ZFP92: variants seen among roughly 807,000 people sequenced by gnomAD.
ZFP92 encodes ZFP92 zinc finger protein, also known as zinc finger protein 92 homolog.
In ZFP92, 2 loss-of-function variants were observed where a neutral mutation model predicts 7.6. The observed-to-expected ratio is 0.26, with a 90% confidence interval of 0.11 to 0.83. The LOEUF is 0.83. ZFP92 is among the 40% of genes least tolerant of loss of function. The pLI is 0.65. For missense variants in ZFP92, 324 were observed against 408.3 expected, an observed-to-expected ratio of 0.79 and a Z score of 1.78; for synonymous variants, 226 against 183.6, an observed-to-expected ratio of 1.23 and a Z score of -1.87.
chrX:153,420,443 G>A, intron 5 of ZFP92, 111 bp downstream of exon 5: 1 of 895,569 alleles, frequency 1.1e-6, no homozygotes, highest in South Asian at 2.6e-5. Flanking sequence ...CTCTTTGGAG[G>A]CAGATGTCAA....
At position 153,423,018 on chromosome X, in the gene ZFP92, A is replaced by G. The variant is rs1556975699; in HGVS notation, c.*1390A>G. The G allele has an allele frequency of 9.0e-6, 1 of 111,604 alleles. No homozygotes were observed. The highest frequency in any genetic ancestry group is 1.9e-5 in the Non-Finnish European group (1 of 53,171). 9.2% of individuals were successfully genotyped at this position (111,604 alleles called of 1,213,427 possible). On this transcript the variant is annotated 3_prime_UTR_variant, in exon 6 of 6. Transcript: ENST00000338647. ...TGCAGAAACAGGGCAGACTCTTCAA[A>G]TGGCACTTTACTGAAAGCCAAGGGG...
At chrX:153,419,454 G>A (rs782002973) in intron 4 of ZFP92, among the ~76,000 whole-genome samples, 4 of 112,767 alleles carry the variant, frequency 3.5e-5, no homozygotes, top group Non-Finnish European at 5.6e-5. Context: ...GGTAAAGAAC[G>A]TCTGAGGGTG....
rs1556976077 is a variant in ZFP92, at chrX:153,424,559, T to C, written c.*2931T>C. Reference sequence around the variant, plus strand: ...CTTGCTTTGTGATGGACAGCTAGAATGTAAAAGCTTAAACTATGGGGAAAG... The same window carrying C: ...CTTGCTTTGTGATGGACAGCTAGAACGTAAAAGCTTAAACTATGGGGAAAG... On this transcript the variant is annotated 3_prime_UTR_variant, in exon 6 of 6. Transcript: ENST00000338647. 8.9e-6 allele frequency: 1 copy of C among 112,323 alleles called. No individual in the cohort carries two copies. Among genetic ancestry groups the C allele is most frequent in the East Asian group, 2.8e-4 (1 of 3,580 alleles). 9.3% of individuals were successfully genotyped at this position (112,323 alleles called of 1,213,427 possible).
intron 3 of ZFP92, 23 bp from the exon 4 acceptor site, chrX:153,418,650 G>A: frequency 8.6e-7 from 1 of 1,166,489 alleles, no homozygotes; most frequent in Non-Finnish European, 1.1e-6. Flanking sequence ...TTCCCCTGTG[G>A]CCACAAGAAT....
rs1556975924 is a variant in ZFP92, at chrX:153,423,831, G to A, written c.*2203G>A. The A allele has an allele frequency of 8.8e-6, 1 of 113,934 alleles. No homozygotes were observed. Among genetic ancestry groups the A allele is most frequent in the Admixed American group, 9.2e-5 (1 of 10,875 alleles). The allele number at this position is 113,934 out of a possible 1,213,427, so 9.4% of individuals were successfully genotyped here. The stretch of plus-strand genomic sequence containing the variant: ...CTGCTGTGCAGACAGTCTTTGCAAG[G>A]GCTGGCATGGGCCCAGAAATGCAAT... On this transcript the variant is annotated 3_prime_UTR_variant, in exon 6 of 6. Coordinates refer to ENST00000338647, the MANE Select transcript of ZFP92 (RefSeq NM_001136273.2).
chrX:153,413,206 G>A (rs1011809155), intron 2 of ZFP92, among the ~76,000 whole-genome samples: 2 of 108,929 alleles, frequency 1.8e-5, no homozygotes, highest in South Asian at 4.1e-4. Flanking sequence ...TGCTCCCACC[G>A]AGTGGGACTG....
chrX:153,417,816 G>T (rs1175562715), intron 2 of ZFP92, among the ~76,000 whole-genome samples: 3 of 111,719 alleles, frequency 2.7e-5, no homozygotes, highest in African/African-American at 9.8e-5. Flanking sequence ...GGGAGACTTT[G>T]CAGCTGTAAT....
Position 153,418,772 on chromosome X carries a change from G to C in ZFP92, c.133G>C (p.Glu45Gln), listed in dbSNP as rs1051441915. Residue 45 changes from glutamate (E) to glutamine (Q), a missense_variant, in exon 4 of 6, where the codon GAG (glutamate) becomes CAG (glutamine). Physicochemically the swap from Glu to Gln is conservative, Grantham distance 29. Coordinates refer to ENST00000338647, the MANE Select transcript of ZFP92 (RefSeq NM_001136273.2). The stretch of plus-strand genomic sequence containing the variant: ...GGTCCTCTACAAGCGGGTGATGCTG[G>C]AGAACTATAGCCATTTGGTGTCACT... The part of the protein sequence containing the change: ...QKVLYKRVML[E>Q]NYSHLVSLGF... The C allele has an allele frequency of 1.5e-5, 17 of 1,166,284 alleles. No homozygotes were observed. The highest frequency in any genetic ancestry group is 1.7e-5 in the Non-Finnish European group (15 of 872,860).
At position 153,411,976 on chromosome X, in the gene ZFP92, G is replaced by A. The variant is rs1179041539; in HGVS notation, c.-56G>A. Among the ~76,000 whole-genome samples, 6 of 112,915 alleles carry A rather than the reference G, an allele frequency of 5.3e-5. No homozygotes were observed. Among genetic ancestry groups the A allele is most frequent in the Admixed American group, 1.8e-4 (2 of 10,814 alleles). On this transcript the variant is annotated 5_prime_UTR_variant, in exon 2 of 6. Transcript: ENST00000338647. ...TGATTGGTTTCCAGCCACCGGTCCC[G>A]AGGCTGGCTAAAGAGCATCCTGTCG...
intron 2 of ZFP92, among the ~76,000 whole-genome samples, chrX:153,413,212 G>A (rs1556973259): frequency 9.2e-6 from 1 of 108,564 alleles, no homozygotes; most frequent in African/African-American, 3.4e-5. Flanking sequence ...CACCGAGTGG[G>A]ACTGCTGGAT....
chrX:153,413,265 T>G (rs782340950), intron 2 of ZFP92, among the ~76,000 whole-genome samples: 318 of 105,185 alleles, frequency 3.0e-3, no homozygotes, highest in Non-Finnish European at 5.6e-3. Context: ...CTTTTTTCTT[T>G]TTCTGGGAAT....
Position 153,423,199 on chromosome X carries a change from T to C in ZFP92, c.*1571T>C, listed in dbSNP as rs1437301671. On this transcript the variant is annotated 3_prime_UTR_variant, in exon 6 of 6. Transcript: ENST00000338647. ...CAGCGGCCACCTCCTTCCAGCCCTG[T>C]CCCCTCCCAGGGGAGAGGGGGTTTT... is the stretch of plus-strand genomic sequence containing the variant. The C allele has an allele frequency of 4.5e-5, 5 of 110,503 alleles. No homozygotes were observed. Among genetic ancestry groups the C allele is most frequent in the African/African-American group, 1.6e-4 (5 of 30,384 alleles). 9.1% of individuals were successfully genotyped at this position (110,503 alleles called of 1,213,427 possible). A position where few individuals can be genotyped will look rare whatever the true frequency, so the allele number is the denominator to read the frequency against.
intron 2 of ZFP92, among the ~76,000 whole-genome samples, chrX:153,417,294 C>T (rs2088960056): frequency 8.9e-6 from 1 of 112,367 alleles, no homozygotes; most frequent in African/African-American, 3.2e-5. Flanking sequence ...TTTTCAGCAC[C>T]ACGAATGCCA....
intron 5 of ZFP92, 98 bp from the exon 6 acceptor site, chrX:153,420,545 T>G (rs1243401410): frequency 1.9e-6 from 2 of 1,066,642 alleles, no homozygotes; most frequent in Middle Eastern, 3.2e-4. Flanking sequence ...TTCTGTTCTG[T>G]GGTCACCTTG....
In ZFP92 at chrX:153,424,183, G is replaced by C. The variant is rs2089027362; in HGVS notation, c.*2555G>C. On this transcript the variant is annotated 3_prime_UTR_variant, in exon 6 of 6. Coordinates refer to ENST00000338647, the MANE Select transcript of ZFP92 (RefSeq NM_001136273.2). ...AAGGTACAGGAGTTTTCAGCAGAAA[G>C]TGGAGTTGCCAGGAGAGATGCTGGG... 1 of 112,133 alleles carries C rather than the reference G, an allele frequency of 8.9e-6. No homozygotes were observed. Among genetic ancestry groups the C allele is most frequent in the African/African-American group, 3.2e-5 (1 of 30,816 alleles). 9.2% of individuals were successfully genotyped at this position (112,133 alleles called of 1,213,427 possible). A position where few individuals can be genotyped will look rare whatever the true frequency, so the allele number is the denominator to read the frequency against.
chrX:153,415,564 G>A lies in ZFP92; in HGVS notation c.-18-2741G>A, dbSNP rs782679828. ...TTAATGCTGCTGTGAACACAGGTGC[G>A]CAAGGGTTTGTGTGAACCACCTGTT... On this transcript the variant is annotated intron_variant, in intron 2 of 5. Coordinates refer to ENST00000338647, the MANE Select transcript of ZFP92 (RefSeq NM_001136273.2). Among the ~76,000 whole-genome samples the A allele has an allele frequency of 4.4e-4, 49 of 111,921 alleles. 1 individual carries two copies. Among genetic ancestry groups the A allele is most frequent in the East Asian group, 1.1e-3 (4 of 3,550 alleles).
At chrX:153,411,782 G>A (rs782258717) in intron 1 of ZFP92, among the ~76,000 whole-genome samples, 79 bp downstream of exon 1, 1 of 112,678 alleles carries the variant, frequency 8.9e-6, no homozygotes, top group Non-Finnish European at 1.9e-5. Context: ...GGTGTCGAGG[G>A]GGACGAGGGA....
rs2089000103 is a variant in ZFP92, at chrX:153,421,274, G to A, written c.897G>A (p.Lys299=). ...CCTACGCCTGCGGCCAGTGCGCCAA[G>A]GCCTTCAAGGGCGTCTCGCAGCTCA... ...EKPYACGQCA[K]AFKGVSQLIH... Residue 299 remains lysine, a synonymous_variant, in exon 6 of 6, where the codon AAG becomes AAA. Transcript: ENST00000338647. 1.7e-6 allele frequency: 2 copies of A among 1,171,987 alleles called. No individual in the cohort carries two copies.
intron 5 of ZFP92, 37 bp downstream of exon 5, chrX:153,420,369 T>C: frequency 9.2e-7 from 1 of 1,085,489 alleles, no homozygotes; most frequent in East Asian, 3.3e-5. Flanking sequence ...CCCATCGGGG[T>C]AAAAAGAAAT....
Sources: allele counts gnomAD v4.1 joint callset (sites outside exome capture counted in the v4.1 genomes callset), GRCh38; gene constraint gnomAD v4.1.1; transcripts MANE v1.5; gene names NCBI Gene and HGNC (gene_info 2026-07-23, HGNC 2026-07-21).